The following GLT8D2 variants were observed in gnomAD, a reference collection of about 807,000 sequenced individuals.
GLT8D2 encodes the protein glycosyltransferase 8 domain-containing protein 2.
A neutral mutation model predicts 44.5 loss-of-function variants in GLT8D2; 45 were observed. The ratio of observed to expected loss-of-function variants is 1.01; its 90% CI spans 0.80 to 1.30. The LOEUF is 1.30. Among genes scored for constraint, GLT8D2 ranks in the 50% most tolerant of loss-of-function variants. GLT8D2 has a pLI of 0.00. For synonymous variants in GLT8D2, 156 were observed against 157.2 expected, an observed-to-expected ratio of 0.99 and a Z score of 0.06; for missense variants, 400 against 430.4, an observed-to-expected ratio of 0.93 and a Z score of 0.62.
intron 1 of GLT8D2, chr12:104,049,347 C>T (rs1881495687): frequency 6.6e-6 from 1 of 151,286 alleles, no homozygotes; most frequent in African/African-American, 2.4e-5. Context: ...ATAAAGTAAA[C>T]ATAAGATCTT....
In GLT8D2 at chr12:103,989,466, C is replaced by T. The variant is rs202178249; in HGVS notation, c.992G>A (p.Trp331Ter). Residue 331 changes from tryptophan (W) to a stop codon, truncating the protein, a stop_gained, in exon 11 of 11, where the codon TGG (tryptophan) becomes TAG (stop). Transcript: ENST00000360814. LOFTEE classifies it high-confidence loss of function. ...AGGGTCAGGAACAAACCAGCTTTCCCATAAGTCGTTGTGAACACTAGGGAA... is the reference window on the plus strand; with the variant it reads ...AGGGTCAGGAACAAACCAGCTTTCCTATAAGTCGTTGTGAACACTAGGGAA... ...WDFPSVHNDLWESWFVPDPAG... is the reference protein window; with the variant it reads ...WDFPSVHNDL 11 of 1,613,520 alleles carry T rather than the reference C, an allele frequency of 6.8e-6. No individual in the cohort carries two copies. Among genetic ancestry groups the T allele is most frequent in the Non-Finnish European group, 7.6e-6 (9 of 1,179,752 alleles).
At chr12:103,995,833 C>T (rs1352012893) in intron 8 of GLT8D2, among the ~76,000 whole-genome samples, 3 of 152,180 alleles carry the variant, frequency 2.0e-5, no homozygotes, top group Non-Finnish European at 2.9e-5. Context: ...TACTTGAGTA[C>T]TTTCTATACA....
chr12:104,001,326 C>T (rs1874188222), intron 5 of GLT8D2, among the ~76,000 whole-genome samples: 1 of 152,184 alleles, frequency 6.6e-6, no homozygotes, highest in African/African-American at 2.4e-5. Context: ...TCACATAATG[C>T]TGAAACTAGC....
chr12:104,061,454 C>T (rs1332866349), intron 1 of GLT8D2, among the ~76,000 whole-genome samples: 1 of 152,126 alleles, frequency 6.6e-6, no homozygotes, highest in African/African-American at 2.4e-5. Flanking sequence ...GAACAAAGTA[C>T]AGTTCTTTAA....
At chr12:104,012,017 CA>C (rs1875896158) in intron 4 of GLT8D2, among the ~76,000 whole-genome samples, 1 of 151,356 alleles carries the variant, frequency 6.6e-6, no homozygotes, top group Non-Finnish European at 1.5e-5. Context: ...CCTAAAAATA[CA>C]AAATTAGCCA....
At chr12:104,003,434 T>C in intron 4 of GLT8D2, 128 bp from the exon 5 acceptor site, 1 of 780,508 alleles carries the variant, frequency 1.3e-6, no homozygotes, top group Non-Finnish European at 2.1e-6. Flanking sequence ...TTCTCCAATA[T>C]CTAGTCATTC....
chr12:104,053,563 A>C (rs1046962544), upstream of GLT8D2, among the ~76,000 whole-genome samples: 1 of 152,184 alleles, frequency 6.6e-6, no homozygotes, highest in Non-Finnish European at 1.5e-5. Context: ...CAAGAAATGG[A>C]AGTTATTATT....
At chr12:104,025,439 G>T (rs1878460415) in intron 1 of GLT8D2, among the ~76,000 whole-genome samples, 1 of 151,924 alleles carries the variant, frequency 6.6e-6, no homozygotes, top group Admixed American at 6.6e-5. Flanking sequence ...GAACTCCTGA[G>T]CTCAAGTGAT....
intron 3 of GLT8D2, among the ~76,000 whole-genome samples, chr12:104,018,521 G>GCAGAAAATGGA (rs1230240128): frequency 2.0e-5 from 3 of 152,234 alleles, no homozygotes; most frequent in African/African-American, 7.2e-5. Flanking sequence ...CTACAGAGAA[G>GCAGAAAATGGA]CAGAAAATGG....
chr12:104,018,391 C>T (rs1305997911), intron 3 of GLT8D2, among the ~76,000 whole-genome samples: 1 of 152,132 alleles, frequency 6.6e-6, no homozygotes, highest in Non-Finnish European at 1.5e-5. Flanking sequence ...CGTGGATGCC[C>T]TCCAAAGCTA....
Position 103,993,227 on chromosome 12 carries a change from A to G in GLT8D2, c.880+165T>C, listed in dbSNP as rs530331311. Among the ~76,000 whole-genome samples, 3 of 152,282 alleles carry G rather than the reference A, an allele frequency of 2.0e-5. 1 individual carries two copies. The South Asian group carries it at 6.2e-4, about 32-fold the overall frequency. On this transcript the variant is annotated intron_variant, in intron 10 of 10. Coordinates refer to ENST00000360814, the MANE Select transcript of GLT8D2 (RefSeq NM_001384711.1). ...ATGCCTGTAATCCCAGCTACTCGAG[A>G]TGCTGAGGCAGGTGAATTGCTTGAA...
chr12:104,035,058 A>G (rs1392334720), intron 1 of GLT8D2, among the ~76,000 whole-genome samples: 2 of 152,210 alleles, frequency 1.3e-5, no homozygotes, highest in Non-Finnish European at 2.9e-5. Flanking sequence ...ACTCCAACAG[A>G]CCTACAGCTA....
intron 1 of GLT8D2, among the ~76,000 whole-genome samples, chr12:104,037,877 A>G (rs1880082595): frequency 6.6e-6 from 1 of 152,198 alleles, no homozygotes; most frequent in Non-Finnish European, 1.5e-5. Flanking sequence ...CCTTATGAAC[A>G]TCAGTGCGAA....
intron 1 of GLT8D2, chr12:104,030,687 A>T: frequency 6.3e-7 from 1 of 1,588,184 alleles, no homozygotes; most frequent in Non-Finnish European, 8.6e-7. Context: ...ATACAACTCA[A>T]TAGCAAAAAA....
At position 104,031,190 on chromosome 12, in the gene GLT8D2, A is replaced by G. The variant is rs1593558830; in HGVS notation, c.-163-9699T>C. ...CCATCCTTTCTACAGCAACATCAGT[A>G]AGGATCGCAGGTATGCAGACCTCAC... On this transcript the variant is annotated intron_variant, in intron 1 of 10. Coordinates refer to ENST00000360814, the MANE Select transcript of GLT8D2 (RefSeq NM_001384711.1). 2.5e-6 allele frequency: 4 copies of G among 1,610,262 alleles called. No individual in the cohort carries two copies. In the East Asian group the frequency reaches 8.9e-5, roughly 36 times the overall value.
chr12:104,007,869 T>C (rs1055236664), intron 4 of GLT8D2, among the ~76,000 whole-genome samples: 1 of 152,234 alleles, frequency 6.6e-6, no homozygotes, highest in African/African-American at 2.4e-5. Context: ...ATAAGTCTCA[T>C]GAGATCTGGT....
chr12:104,016,838 G>GAAAGAGAAAGA (rs1555278980), intron 3 of GLT8D2, among the ~76,000 whole-genome samples: 2 of 136,622 alleles, frequency 1.5e-5, no homozygotes, highest in Non-Finnish European at 3.2e-5. Flanking sequence ...AAGAAAGAAA[G>GAAAGAGAAAGA]AAAGAAAGAA....
intron 3 of GLT8D2, among the ~76,000 whole-genome samples, chr12:104,016,806 G>GAAA (rs1566199733): frequency 3.5e-5 from 3 of 86,136 alleles, no homozygotes; most frequent in Non-Finnish European, 6.9e-5. Context: ...AAGGAAGGAA[G>GAAA]GAAAGAAAGA....
chr12:104,016,799 GA>G (rs1876821023), intron 3 of GLT8D2, among the ~76,000 whole-genome samples: 5 of 119,754 alleles, frequency 4.2e-5, no homozygotes, highest in African/African-American at 9.5e-5. Flanking sequence ...AGGAAGGAAG[GA>G]AGGAAGGAAA....
Sources: allele counts gnomAD v4.1 joint callset (sites outside exome capture counted in the v4.1 genomes callset), GRCh38; gene constraint gnomAD v4.1.1; transcripts MANE v1.5; gene names NCBI Gene and HGNC (gene_info 2026-07-23, HGNC 2026-07-21).